Variants in POTEC observed in about 807,000 individuals in gnomAD.
The protein encoded by POTEC is ANKRD26-like family B member 2.
POTEC carries 35 observed loss-of-function variants against 62.0 expected under a neutral mutation model. The ratio of observed to expected loss-of-function variants is 0.56; its 90% CI spans 0.43 to 0.75. The LOEUF (loss-of-function observed/expected upper bound fraction) is 0.75, where lower values mean the gene tolerates loss of function less well. Ranked by LOEUF, POTEC falls within the 30% of genes least tolerant of loss-of-function variation. The pLI, the probability that POTEC is intolerant of heterozygous loss-of-function variation, is 0.00. For synonymous variants in POTEC, 156 were observed against 221.5 expected, an observed-to-expected ratio of 0.70 and a Z score of 2.62; for missense variants, 472 against 655.9, an observed-to-expected ratio of 0.72 and a Z score of 3.06.
intron 7 of POTEC, 136 bp downstream of exon 7, chr18:14,524,777 T>C (rs1371725673): frequency 2.4e-6 from 2 of 833,136 alleles, no homozygotes; most frequent in Admixed American, 7.4e-5. Context: ...AAGAATCTTA[T>C]TAAAAAATTC....
chr18:14,542,564 C>T (rs945914520), intron 1 of POTEC, 62 bp downstream of exon 1: 20 of 1,607,180 alleles, frequency 1.2e-5, no homozygotes, highest in East Asian at 2.2e-5. Flanking sequence ...CTCCCTGCGC[C>T]AGGAGGGTAT....
intron 6 of POTEC, 94 bp from the exon 7 acceptor site, chr18:14,525,077 T>C (rs1910403156): frequency 1.3e-6 from 2 of 1,526,858 alleles, no homozygotes; most frequent in Admixed American, 4.1e-5. Context: ...CAGCATTTTA[T>C]TTTATTTCAT....
rs1352391940 is a variant in POTEC, at chr18:14,540,818, CACT to C, written c.521+1805_521+1807del. 3.3e-5 allele frequency among the ~76,000 whole-genome samples: 5 copies of C among 152,208 alleles called. No homozygotes were observed. The East Asian group carries it at 9.7e-4, about 29-fold the overall frequency. On this transcript the variant is annotated intron_variant, in intron 1 of 10. Transcript: ENST00000358970. The stretch of plus-strand genomic sequence containing the variant: ...AACTTTCAGCAAGTAATATAAGTAC[CACT>C]GTTCTTCACCCTCACAAACTTTGTG...
intron 1 of POTEC, among the ~76,000 whole-genome samples, chr18:14,539,678 T>C (rs1461481581): frequency 6.6e-6 from 1 of 151,632 alleles, no homozygotes; most frequent in African/African-American, 2.4e-5. Flanking sequence ...TTAAAACAGC[T>C]AAAACAGTCT....
At chr18:14,528,764 T>A (rs1910505040) in intron 6 of POTEC, 1 of 327,118 alleles carries the variant, frequency 3.1e-6, no homozygotes, top group African/African-American at 2.2e-5. Context: ...AAATTTCCCG[T>A]GGCCCACAGG....
intron 4 of POTEC, among the ~76,000 whole-genome samples, chr18:14,533,439 C>A (rs1204254541): frequency 6.6e-6 from 1 of 151,946 alleles, no homozygotes; most frequent in Non-Finnish European, 1.5e-5. Flanking sequence ...ATAGCAGAAG[C>A]TACTAATTTA....
intron 3 of POTEC, among the ~76,000 whole-genome samples, chr18:14,535,421 A>C (rs1390059774): frequency 7.2e-5 from 11 of 151,806 alleles, no homozygotes; most frequent in Admixed American, 4.6e-4. Flanking sequence ...CTTTAGTTTC[A>C]CATGTTTTAC....
intron 3 of POTEC, 27 bp downstream of exon 3, chr18:14,537,774 T>C: frequency 3.1e-6 from 5 of 1,609,080 alleles, no homozygotes; most frequent in Non-Finnish European, 4.2e-6. Flanking sequence ...TTTCAGTATT[T>C]TGAAGATAAA....
rs7505700 is a variant in POTEC, at chr18:14,537,662, T to A, written c.810+139A>T. ...AAGTAACAATATTTAAAATAAAGTC[T>A]TAGATAATTAAGTCATTTCAAAATA... On this transcript the variant is annotated intron_variant, in intron 3 of 10. Transcript: ENST00000358970. The A allele has an allele frequency of 1.4e-4, 144 of 1,057,314 alleles. 1 individual carries two copies. In the East Asian group the frequency reaches 3.3e-3, roughly 25 times the overall value. The allele number at this position is 1,057,314 out of a possible 1,614,324, so 65.5% of individuals were successfully genotyped here. A position where few individuals can be genotyped will look rare whatever the true frequency, so the allele number is the denominator to read the frequency against.
In POTEC at chr18:14,511,438, A is replaced by G; in HGVS notation, c.*460T>C. ...GGTGGCCTGCCTCATCTTTTCTCTC[A>G]GAATTTATCCTGTGTGATGGAGCTT... On this transcript the variant is annotated 3_prime_UTR_variant, in exon 11 of 11. Coordinates refer to ENST00000358970, the MANE Select transcript of POTEC (RefSeq NM_001137671.2). The G allele has an allele frequency of 3.4e-6, 1 of 293,484 alleles. No homozygotes were observed. 18.2% of individuals were successfully genotyped at this position (293,484 alleles called of 1,614,324 possible).
intron 7 of POTEC, 111 bp downstream of exon 7, chr18:14,524,802 T>C: frequency 1.5e-5 from 17 of 1,144,040 alleles, no homozygotes; most frequent in Non-Finnish European, 2.0e-5. Context: ...AAAAAGAATC[T>C]ATTGATTCTT....
At chr18:14,513,558 C>T (rs1910069137) in intron 10 of POTEC, 104 bp downstream of exon 10, 24 of 1,483,024 alleles carry the variant, frequency 1.6e-5, no homozygotes, top group South Asian at 4.0e-5. Context: ...CACACACACA[C>T]GTGTGTATAT....
At position 14,508,405 on chromosome 18, in the gene POTEC, C is replaced by A. The variant is rs1325678323; in HGVS notation, c.*3493G>T. ...ATGGAGCTGGTCTGACCTCAGCCCT[C>A]CCTAGTCTGCTTGCCTCTCCCAGGA... On this transcript the variant is annotated 3_prime_UTR_variant, in exon 11 of 11. Transcript: ENST00000358970. The A allele has an allele frequency of 6.6e-6, 1 of 152,584 alleles. No individual in the cohort carries two copies. Among genetic ancestry groups the A allele is most frequent in the East Asian group, 1.9e-4 (1 of 5,184 alleles). The allele number at this position is 152,584 out of a possible 1,614,324, so 9.5% of individuals were successfully genotyped here. A position where few individuals can be genotyped will look rare whatever the true frequency, so the allele number is the denominator to read the frequency against.
At chr18:14,537,711 C>G in intron 3 of POTEC, 90 bp downstream of exon 3, 9 of 1,418,936 alleles carry the variant, frequency 6.3e-6, no homozygotes, top group Non-Finnish European at 7.8e-6. Context: ...TATGCTTGAG[C>G]TTCCAAATAC....
At chr18:14,514,762 ACT>A (rs983471770) in intron 9 of POTEC, among the ~76,000 whole-genome samples, 2 of 151,926 alleles carry the variant, frequency 1.3e-5, no homozygotes, top group Non-Finnish European at 2.9e-5. Context: ...AGAAAGTCAA[ACT>A]CTCTCTTCAG....
intron 6 of POTEC, among the ~76,000 whole-genome samples, 195 bp from the exon 7 acceptor site, chr18:14,525,178 T>C (rs540173438): frequency 2.1e-4 from 32 of 151,858 alleles, no homozygotes; most frequent in African/African-American, 6.5e-4. Flanking sequence ...CCTGATGTGA[T>C]TCACTCACAA....
At chr18:14,537,246 G>T (rs1454366534) in intron 3 of POTEC, among the ~76,000 whole-genome samples, 1 of 138,668 alleles carries the variant, frequency 7.2e-6, no homozygotes, top group African/African-American at 2.7e-5. Context: ...CCTCTTCATG[G>T]TCTTTTCCCC....
chr18:14,533,737 G>A (rs990310310), intron 4 of POTEC, among the ~76,000 whole-genome samples: 3 of 152,142 alleles, frequency 2.0e-5, no homozygotes, highest in African/African-American at 7.2e-5. Flanking sequence ...AACTTTGAAG[G>A]ATATATTCTC....
At chr18:14,538,357 A>G in intron 1 of POTEC, 108 bp from the exon 2 acceptor site, 1 of 638,870 alleles carries the variant, frequency 1.6e-6, no homozygotes, top group Non-Finnish European at 2.8e-6. Flanking sequence ...CCTTCAAAAC[A>G]AACTCAATTT....
Sources: gnomAD v4.1 joint callset for allele counts (sites outside exome capture counted in the v4.1 genomes callset) on GRCh38, gnomAD v4.1.1 for gene constraint, MANE v1.5 for transcripts, NCBI Gene and HGNC (gene_info 2026-07-23, HGNC 2026-07-21) for gene names.